CDC5L: variants seen among roughly 807,000 people sequenced by gnomAD.
The protein encoded by CDC5L is cell division cycle 5-like protein.
CDC5L carries 18 observed loss-of-function variants against 104.1 expected under a neutral mutation model. The ratio of observed to expected loss-of-function variants is 0.17; its 90% CI spans 0.12 to 0.26. CDC5L has a LOEUF of 0.26. CDC5L is among the 10% of genes least tolerant of loss of function. The probability of loss-of-function intolerance (pLI) is 1.00; values close to 1 mark genes in which losing one functional copy is unlikely to be tolerated. For missense variants in CDC5L, 673 were observed against 956.9 expected, an observed-to-expected ratio of 0.70 and a Z score of 3.91; for synonymous variants, 331 against 322.7, an observed-to-expected ratio of 1.03 and a Z score of -0.28.
At chr6:44,440,336 G>T (rs545565765) in intron 14 of CDC5L, among the ~76,000 whole-genome samples, 1 of 151,622 alleles carries the variant, frequency 6.6e-6, no homozygotes, top group African/African-American at 2.4e-5. Context: ...CCGCCTCCTG[G>T]GTGTAAGTGA....
At chr6:44,441,369 A>G (rs1014840309) in intron 14 of CDC5L, among the ~76,000 whole-genome samples, 1 of 152,204 alleles carries the variant, frequency 6.6e-6, no homozygotes, top group Non-Finnish European at 1.5e-5. Context: ...TGTATACCAT[A>G]TTTTAAAAAT....
At chr6:44,418,879 T>C (rs1331846859) in intron 8 of CDC5L, among the ~76,000 whole-genome samples, 1 of 148,244 alleles carries the variant, frequency 6.7e-6, no homozygotes, top group Admixed American at 6.8e-5. Context: ...TTTGAGTTCA[T>C]TGTAGATTCT....
chr6:44,391,129 A>G (rs1394726747), intron 2 of CDC5L, among the ~76,000 whole-genome samples: 4 of 134,740 alleles, frequency 3.0e-5, no homozygotes, highest in Non-Finnish European at 6.2e-5. Flanking sequence ...CATATTTAAT[A>G]TGTTATATAT....
At chr6:44,435,002 A>G (rs1453059788) in intron 14 of CDC5L, among the ~76,000 whole-genome samples, 1 of 152,272 alleles carries the variant, frequency 6.6e-6, no homozygotes, top group East Asian at 1.9e-4. Flanking sequence ...AAGTTTTAAA[A>G]GAAGTAGAAA....
At chr6:44,417,148 G>C (rs1445966720) in intron 8 of CDC5L, among the ~76,000 whole-genome samples, 2 of 152,166 alleles carry the variant, frequency 1.3e-5, no homozygotes, top group African/African-American at 4.8e-5. Context: ...TAGGGCCTTA[G>C]TAAGGAGGAC....
chr6:44,429,544 G>T (rs4714787), intron 13 of CDC5L, among the ~76,000 whole-genome samples, 169 bp from the exon 14 acceptor site: 24 of 152,152 alleles, frequency 1.6e-4, no homozygotes, highest in Middle Eastern at 3.4e-3. Context: ...TGACTCAAAG[G>T]CTTCTTAAGC....
rs151014820 is a variant in CDC5L, at chr6:44,421,027, G to A, written c.1241+1430G>A. ...ATATCCCACACTGTAATCCCTTGCC[G>A]TTCCCGAATAAACTCTTTGTTTTGG... On this transcript the variant is annotated intron_variant, in intron 9 of 15. Transcript: ENST00000371477. Among the ~76,000 whole-genome samples the A allele has an allele frequency of 5.1e-4, 78 of 152,218 alleles. No individual in the cohort carries two copies. The East Asian group carries it at 0.013, about 25-fold the overall frequency.
At position 44,403,168 on chromosome 6, in the gene CDC5L, A is replaced by G. The variant is rs539854448; in HGVS notation, c.540-641A>G. ...TTTTGCAGCCTTGCCGTTAAAACAAAACAAAAAACTGAATGGTGTTAATTA... is the reference window on the plus strand; with the variant it reads ...TTTTGCAGCCTTGCCGTTAAAACAAGACAAAAAACTGAATGGTGTTAATTA... On this transcript the variant is annotated intron_variant, in intron 5 of 15. Transcript: ENST00000371477. 3.9e-5 allele frequency among the ~76,000 whole-genome samples: 6 copies of G among 152,186 alleles called. No homozygotes were observed. In the East Asian group the frequency reaches 9.6e-4, roughly 24 times the overall value.
In CDC5L at chr6:44,393,319, C is replaced by G. The variant is rs949836587; in HGVS notation, c.312-127C>G. 31 of 761,764 alleles carry G rather than the reference C, an allele frequency of 4.1e-5. 1 individual carries two copies. In the Middle Eastern group the frequency reaches 1.5e-3, roughly 38 times the overall value. The allele number at this position is 761,764 out of a possible 1,614,324, so 47.2% of individuals were successfully genotyped here. A position where few individuals can be genotyped will look rare whatever the true frequency, so the allele number is the denominator to read the frequency against. On this transcript the variant is annotated intron_variant, in intron 3 of 15. Transcript: ENST00000371477. Reference sequence around the variant, plus strand: ...TTCAGATGAAGTGATAGTAAAAAGGCTTTATGTTGTTAAAGCCCATCCATT... The same window carrying G: ...TTCAGATGAAGTGATAGTAAAAAGGGTTTATGTTGTTAAAGCCCATCCATT...
intron 4 of CDC5L, among the ~76,000 whole-genome samples, chr6:44,395,188 A>T (rs1444710493): frequency 6.6e-6 from 1 of 152,200 alleles, no homozygotes; most frequent in Non-Finnish European, 1.5e-5. Flanking sequence ...GAAATAAGTT[A>T]TAATGTTTGA....
In CDC5L at chr6:44,446,739, T is replaced by C; in HGVS notation, c.*28T>C. 2 of 1,116,602 alleles carry C rather than the reference T, an allele frequency of 1.8e-6. No individual in the cohort carries two copies. Among genetic ancestry groups the C allele is most frequent in the South Asian group, 2.7e-5 (2 of 72,804 alleles). 69.2% of individuals were successfully genotyped at this position (1,116,602 alleles called of 1,614,324 possible). A position where few individuals can be genotyped will look rare whatever the true frequency, so the allele number is the denominator to read the frequency against. ...TACAGTTTATATTCTGTCACAGGAT[T>C]AATTAATTGCCGGTTTTCATACTCT... On this transcript the variant is annotated 3_prime_UTR_variant, in exon 16 of 16. Transcript: ENST00000371477.
At chr6:44,408,864 C>T (rs1371201270) in intron 8 of CDC5L, among the ~76,000 whole-genome samples, 1 of 152,144 alleles carries the variant, frequency 6.6e-6, no homozygotes, top group Non-Finnish European at 1.5e-5. Flanking sequence ...GAAGCCAGCC[C>T]TTCTACCTTC....
rs1354319509 is a variant in CDC5L at position 44,426,599 on chromosome 6, C to G, written c.1768C>G (p.His590Asp). ...ITMLHYDLLH[H>D]PYEPSGNKKG... ...AATGCTTCATTATGACCTTCTACAT[C>G]ACCCTTATGAACCATCTGGAAATAA... The change falls in exon 13 of 16, where the codon CAC (histidine) becomes GAC (aspartate). Residue 590 changes from histidine (H) to aspartate (D), a missense_variant. This residue lies in a region of CDC5L where 578 missense variants were observed against 737.0 expected (regional missense o/e 0.78). Coordinates refer to ENST00000371477, the MANE Select transcript of CDC5L (RefSeq NM_001253.4). 1 of 1,613,440 alleles carries G rather than the reference C, an allele frequency of 6.2e-7. No homozygotes were observed.
intron 1 of CDC5L, among the ~76,000 whole-genome samples, chr6:44,389,056 C>T (rs1790482004): frequency 6.6e-6 from 1 of 152,122 alleles, no homozygotes; most frequent in South Asian, 2.1e-4. Context: ...GACAGCATGG[C>T]GAGAGGACCA....
intron 9 of CDC5L, among the ~76,000 whole-genome samples, chr6:44,422,308 T>C (rs1193896721): frequency 3.9e-5 from 6 of 152,228 alleles, no homozygotes; most frequent in Admixed American, 1.3e-4. Flanking sequence ...TCTGGGGTCA[T>C]TGAGTGTGGT....
rs1792502597 is a variant in CDC5L at position 44,427,979 on chromosome 6, C to T, written c.1893+1255C>T. On this transcript the variant is annotated intron_variant, in intron 13 of 15. Transcript: ENST00000371477. Reference sequence around the variant, plus strand: ...AGTATTGGTTTGTAATTGTTTGAAACAAAGTAGCTTAAATATTCTCTCATA... The same window carrying T: ...AGTATTGGTTTGTAATTGTTTGAAATAAAGTAGCTTAAATATTCTCTCATA... Among the ~76,000 whole-genome samples, 3 of 152,254 alleles carry T rather than the reference C, an allele frequency of 2.0e-5. No homozygotes were observed. In the South Asian group the frequency reaches 6.2e-4, roughly 32 times the overall value.
intron 14 of CDC5L, among the ~76,000 whole-genome samples, chr6:44,442,820 A>G (rs1428967363): frequency 1.3e-5 from 2 of 152,160 alleles, no homozygotes; most frequent in African/African-American, 4.8e-5. Flanking sequence ...TATACAAAAA[A>G]AGTTTTATAC....
In CDC5L at chr6:44,429,812, T is replaced by G. The variant is rs949951074; in HGVS notation, c.1993T>G (p.Tyr665Asp). ...EAYNQVWEEC[Y>D]SQVLYLPGQS... ...TTATAACCAGGTGTGGGAAGAATGC[T>G]ACAGTCAAGTTTTATATCTTCCTGG... is the stretch of plus-strand genomic sequence containing the variant. The change falls in exon 14 of 16, where the codon TAC becomes GAC. Residue 665 changes from tyrosine (Y) to aspartate (D), a missense_variant. Tyr to Asp is a radical substitution (Grantham distance 160). Coordinates refer to ENST00000371477, the MANE Select transcript of CDC5L (RefSeq NM_001253.4). 2 of 1,613,972 alleles carry G rather than the reference T, an allele frequency of 1.2e-6. No individual in the cohort carries two copies. The highest frequency in any genetic ancestry group is 1.7e-6 in the Non-Finnish European group (2 of 1,179,938).
At chr6:44,411,017 T>TA (rs1015923091) in intron 8 of CDC5L, among the ~76,000 whole-genome samples, 4 of 152,042 alleles carry the variant, frequency 2.6e-5, no homozygotes, top group Admixed American at 6.5e-5. Context: ...TTTTTTTTTT[T>TA]ACCATCTCTT....
Sources: gnomAD v4.1 joint callset for allele counts (sites outside exome capture counted in the v4.1 genomes callset) on GRCh38, gnomAD v4.1.1 for gene constraint, gnomAD v4.1.1 regional missense constraint, MANE v1.5 for transcripts, NCBI Gene and HGNC (gene_info 2026-07-23, HGNC 2026-07-21) for gene names.